FKRP: variants seen among roughly 807,000 people sequenced by gnomAD.
FKRP encodes ribitol 5-phosphate transferase FKRP.
FKRP carries 25 observed loss-of-function variants against 30.6 expected under a neutral mutation model. That is an observed-to-expected ratio of 0.82 (90% CI 0.60 to 1.14). The LOEUF (loss-of-function observed/expected upper bound fraction) is 1.14, where lower values mean the gene tolerates loss of function less well. FKRP is among the 50% of genes most tolerant of loss of function. The pLI is 0.00. For synonymous variants in FKRP, 358 were observed against 342.5 expected (o/e 1.05, Z -0.50); for missense variants, 771 against 727.8 (o/e 1.06, Z -0.68).
At position 46,757,244 on chromosome 19, in the gene FKRP, C is replaced by G; in HGVS notation, c.*306C>G. Reference sequence around the variant, plus strand: ...GGGATGTCACGCCGTCCCGCAGGGCCCAGCACAGCCCCAGACCCGAAAAAA... The same window carrying G: ...GGGATGTCACGCCGTCCCGCAGGGCGCAGCACAGCCCCAGACCCGAAAAAA... On this transcript the variant is annotated 3_prime_UTR_variant, in exon 4 of 4. Coordinates refer to ENST00000318584, the MANE Select transcript of FKRP (RefSeq NM_024301.5). The G allele has an allele frequency of 3.9e-6, 2 of 517,808 alleles. No homozygotes were observed. The highest frequency in any genetic ancestry group is 7.3e-6 in the Non-Finnish European group (2 of 275,116). 32.1% of individuals were successfully genotyped at this position (517,808 alleles called of 1,614,324 possible).
At chr19:46,751,469 C>G (rs2054790053) in intron 3 of FKRP, among the ~76,000 whole-genome samples, 1 of 152,062 alleles carries the variant, frequency 6.6e-6, no homozygotes, top group Admixed American at 6.6e-5. Flanking sequence ...GCCTCTGCCT[C>G]CTGGGTTCAA....
chr19:46,754,460 C>T (rs899949163), intron 3 of FKRP: 6 of 144,802 alleles, frequency 4.1e-5, no homozygotes, highest in East Asian at 4.0e-4. Context: ...GGTGCCATCT[C>T]GGCTCACTGT....
At position 46,756,362 on chromosome 19, in the gene FKRP, G is replaced by T; in HGVS notation, c.912G>T (p.Thr304=). The part of the protein sequence containing the change: ...TRCFGTVVGD[T]PAYLYEERWT... ...GCTTCGGAACCGTGGTGGGCGACAC[G>T]CCCGCCTACCTCTACGAGGAGCGCT... Residue 304 remains threonine (T), a synonymous_variant, in exon 4 of 4, where the codon ACG becomes ACT. Transcript: ENST00000318584. This position sits in a 1 kb window ranked among gnomAD's most constrained non-coding sequence, Gnocchi z 6.6. The T allele has an allele frequency of 6.4e-7, 1 of 1,559,388 alleles. No individual in the cohort carries two copies. Among genetic ancestry groups the T allele is most frequent in the Non-Finnish European group, 8.7e-7 (1 of 1,154,618 alleles).
chr19:46,754,598 G>GTTTA lies in FKRP; in HGVS notation c.-39-794_-39-791dup, dbSNP rs544211189. 3.4e-3 allele frequency among the ~76,000 whole-genome samples: 496 copies of GTTTA among 144,704 alleles called. 6 individuals carry two copies. Among genetic ancestry groups the GTTTA allele is most frequent in the African/African-American group, 0.011 (412 of 38,578 alleles). 94.9% of individuals were successfully genotyped at this position (144,704 alleles called of 152,430 possible). A position where few individuals can be genotyped will look rare whatever the true frequency, so the allele number is the denominator to read the frequency against. On this transcript the variant is annotated intron_variant, in intron 3 of 3. Coordinates refer to ENST00000318584, the MANE Select transcript of FKRP (RefSeq NM_024301.5). Reference sequence around the variant, plus strand: ...TGTTTTTCTTGTTTTAAATTGGTTTGTTTATTTATTTATTTATTTATTTTT... The same window carrying GTTTA: ...TGTTTTTCTTGTTTTAAATTGGTTTGTTTATTTATTTATTTATTTATTTATTTTT...
Position 46,756,133 on chromosome 19 carries a change from T to C in FKRP, c.683T>C (p.Leu228Pro). The C allele has an allele frequency of 6.7e-7, 1 of 1,497,404 alleles. No individual in the cohort carries two copies. Among genetic ancestry groups the C allele is most frequent in the South Asian group, 1.3e-5 (1 of 78,290 alleles). 92.8% of individuals were successfully genotyped at this position (1,497,404 alleles called of 1,614,324 possible). ...ACCAGCCTCTTTCTGCAGACCGCCC[T>C]TCGCGGCTGGGCGGTGCAGCTGCTG... ...VGTSLFLQTA[L>P]RGWAVQLLDL... Residue 228 changes from leucine (L) to proline (P), a missense_variant, in exon 4 of 4, where the codon CTT becomes CCT. By Grantham distance (98) the Leu-to-Pro change is moderately conservative (BLOSUM62 -3). Transcript: ENST00000318584. This position sits in a 1 kb window ranked among gnomAD's most constrained non-coding sequence, Gnocchi z 6.6.
At position 46,755,480 on chromosome 19, in the gene FKRP, G is replaced by A. The variant is rs775109010; in HGVS notation, c.30G>A (p.Leu10=). 6.2e-7 allele frequency: 1 copy of A among 1,609,280 alleles called. No individual in the cohort carries two copies. Among genetic ancestry groups the A allele is most frequent in the Non-Finnish European group, 8.5e-7 (1 of 1,179,360 alleles). The change falls in exon 4 of 4, where the codon CTG becomes CTA. Residue 10 remains leucine, a synonymous_variant. Coordinates refer to ENST00000318584, the MANE Select transcript of FKRP (RefSeq NM_024301.5). ...GGCTCACCCGCTGCCAGGCTGCCCTGGCGGCCGCCATCACCCTCAACCTTC... is the reference window on the plus strand; with the variant it reads ...GGCTCACCCGCTGCCAGGCTGCCCTAGCGGCCGCCATCACCCTCAACCTTC... MRLTRCQAA[L]AAAITLNLLV...
upstream of FKRP, chr19:46,746,043 G>A: frequency 8.6e-7 from 1 of 1,161,900 alleles, no homozygotes; most frequent in Non-Finnish European, 1.1e-6. Flanking sequence ...CCCCCCGCCG[G>A]CCGTCCCGGC....
At chr19:46,745,611 C>G (rs2054571219), upstream of FKRP, 1 of 152,466 alleles carries the variant, frequency 6.6e-6, no homozygotes, top group Admixed American at 6.5e-5. Flanking sequence ...CAAGTTCCCC[C>G]CTTGGACGCT....
chr19:46,746,011 G>A, upstream of FKRP: 1 of 1,125,162 alleles, frequency 8.9e-7, no homozygotes, highest in African/African-American at 1.6e-5. Flanking sequence ...CGCCCTCCGG[G>A]ACCGTCGCGG....
At chr19:46,746,008 C>T (rs560100018), upstream of FKRP, 2 of 1,111,076 alleles carry the variant, frequency 1.8e-6, no homozygotes, top group Non-Finnish European at 2.3e-6. Context: ...ACTCGCCCTC[C>T]GGGACCGTCG....
intron 3 of FKRP, 21 bp from the exon 4 acceptor site, chr19:46,755,391 C>T (rs1217004538): frequency 1.3e-5 from 19 of 1,484,704 alleles, no homozygotes; most frequent in Non-Finnish European, 1.4e-5. Context: ...TGCTGCCTTC[C>T]CTTTCGTCCC....
chr19:46,752,110 G>T lies in FKRP; in HGVS notation c.-39-3302G>T, dbSNP rs79276765. On this transcript the variant is annotated intron_variant, in intron 3 of 3. Transcript: ENST00000318584. ...TGAGTAGGAAAGGATGGAAGATCAC[G>T]CGGGGCCTTATGGGCCACATTGAGT... Among the ~76,000 whole-genome samples, 570 of 152,264 alleles carry T rather than the reference G, an allele frequency of 3.7e-3. 3 individuals carry two copies. Among genetic ancestry groups the T allele is most frequent in the African/African-American group, 0.013 (524 of 41,552 alleles).
rs2054926607 is a variant in FKRP, at chr19:46,756,452, G to C, written c.1002G>C (p.Glu334Asp). The C allele has an allele frequency of 6.3e-7, 1 of 1,585,194 alleles. No individual in the cohort carries two copies. The highest frequency in any genetic ancestry group is 8.6e-7 in the Non-Finnish European group (1 of 1,165,952). ...CCCGCTATGTGGTGGGCGTGCTGGAGGCTGCGGGCGTGCGCTACTGGCTCG... is the reference window on the plus strand; with the variant it reads ...CCCGCTATGTGGTGGGCGTGCTGGACGCTGCGGGCGTGCGCTACTGGCTCG... ...ETARYVVGVL[E>D]AAGVRYWLEG... The change falls in exon 4 of 4, where the codon GAG (glutamate) becomes GAC (aspartate). Residue 334 changes from glutamate to aspartate, a missense_variant. Glu to Asp is a conservative substitution (Grantham distance 45). Transcript: ENST00000318584. This position sits in a 1 kb window ranked among gnomAD's most constrained non-coding sequence, Gnocchi z 6.6.
chr19:46,750,409 G>T (rs1273629596), intron 3 of FKRP, among the ~76,000 whole-genome samples: 1 of 152,232 alleles, frequency 6.6e-6, no homozygotes, highest in Non-Finnish European at 1.5e-5. Context: ...CCTCTGCCCT[G>T]CTGGGCACCT....
chr19:46,752,827 T>C (rs1345335199), intron 3 of FKRP, among the ~76,000 whole-genome samples: 2 of 151,562 alleles, frequency 1.3e-5, no homozygotes, highest in East Asian at 1.9e-4. Flanking sequence ...ATTGCACCAC[T>C]GCACTCAAGC....
rs1333162240 is a variant in FKRP, at chr19:46,756,240, C to G, written c.790C>G (p.Arg264Gly). ...RWKAEREGRA[R>G]RAALLRALGI... Reference sequence around the variant, plus strand: ...GAAGGCTGAGCGCGAGGGACGCGCTCGGCGGGCGGCGCTGCTCCGCGCGCT... The same window carrying G: ...GAAGGCTGAGCGCGAGGGACGCGCTGGGCGGGCGGCGCTGCTCCGCGCGCT... The change falls in exon 4 of 4, where the codon CGG (arginine) becomes GGG (glycine). Residue 264 changes from arginine to glycine, a missense_variant. By Grantham distance (125) the Arg-to-Gly change is moderately radical. Transcript: ENST00000318584. This position sits in a 1 kb window ranked among gnomAD's most constrained non-coding sequence, Gnocchi z 6.6. 4.2e-6 allele frequency: 6 copies of G among 1,441,982 alleles called. No individual in the cohort carries two copies. Among genetic ancestry groups the G allele is most frequent in the Admixed American group, 2.7e-5 (1 of 37,674 alleles). The allele number at this position is 1,441,982 out of a possible 1,614,324, so 89.3% of individuals were successfully genotyped here.
rs140679502 is a variant in FKRP, at chr19:46,756,627, G to A, written c.1177G>A (p.Val393Ile). ...CTCGGTGGTGGATGAGCGCGGCTTC[G>A]TATGGGAGAAGGCGGTCGAGGGCGA... is the stretch of plus-strand genomic sequence containing the variant. Reference protein sequence around the residue: ...AGSVVDERGFVWEKAVEGDFF... With the variant: ...AGSVVDERGFIWEKAVEGDFF... The change falls in exon 4 of 4, where the codon GTA (valine) becomes ATA (isoleucine). Residue 393 changes from valine (V) to isoleucine (I), a missense_variant. Physicochemically the swap from Val to Ile is conservative, Grantham distance 29. Coordinates refer to ENST00000318584, the MANE Select transcript of FKRP (RefSeq NM_024301.5). The surrounding 1 kb of genome is among the most constrained non-coding windows in gnomAD (Gnocchi z 6.6). The A allele has an allele frequency of 3.4e-4, 546 of 1,612,960 alleles. 2 individuals carry two copies. In the African/African-American group the frequency reaches 6.8e-3, roughly 20 times the overall value.
Position 46,755,745 on chromosome 19 carries a change from G to C in FKRP, c.295G>C (p.Val99Leu). The C allele has an allele frequency of 6.4e-7, 1 of 1,557,134 alleles. No homozygotes were observed. The change falls in exon 4 of 4, where the codon GTG becomes CTG. Residue 99 changes from valine to leucine, a missense_variant. Transcript: ENST00000318584. ...PPLALPRIPN[V>L]RLALLQPALD... ...CCTGGCCCTGCCCCGCATCCCCAAC[G>C]TGCGTCTGGCGCTGCTCCAGCCCGC...
Position 46,756,433 on chromosome 19 carries a change from A to G in FKRP, c.983A>G (p.Tyr328Cys). The change falls in exon 4 of 4, where the codon TAT becomes TGT. Residue 328 changes from tyrosine to cysteine, a missense_variant. Transcript: ENST00000318584. The surrounding 1 kb of genome is among the most constrained non-coding windows in gnomAD (Gnocchi z 6.6). Reference protein sequence around the residue: ...CLRALRETARYVVGVLEAAGV... With the variant: ...CLRALRETARCVVGVLEAAGV... ...CGCGCGCTGCGCGAGACCGCCCGCT[A>G]TGTGGTGGGCGTGCTGGAGGCTGCG... The G allele has an allele frequency of 1.3e-6, 2 of 1,558,018 alleles. No homozygotes were observed. Among genetic ancestry groups the G allele is most frequent in the Non-Finnish European group, 1.7e-6 (2 of 1,151,422 alleles).
Sources: gnomAD v4.1 joint callset for allele counts (sites outside exome capture counted in the v4.1 genomes callset) on GRCh38, gnomAD v4.1.1 for gene constraint, Gnocchi (gnomAD v3.1) non-coding constraint, MANE v1.5 for transcripts, NCBI Gene and HGNC (gene_info 2026-07-23, HGNC 2026-07-21) for gene names.